Variants in COL4A5 observed in about 807,000 individuals in gnomAD.
COL4A5 encodes collagen alpha-5(IV) chain.
COL4A5 carries 26 observed loss-of-function variants against 130.2 expected under a neutral mutation model. The observed-to-expected ratio is 0.20, with a 90% CI of 0.15 to 0.28. The LOEUF (loss-of-function observed/expected upper bound fraction) is 0.28. Among genes scored for constraint, COL4A5 ranks in the 10% least tolerant of loss-of-function variants. The pLI is 1.00. For missense variants in COL4A5, 1,131 were observed against 1,344.3 expected, an observed-to-expected ratio of 0.84 and a Z score of 2.48; for synonymous variants, 496 against 439.6, an observed-to-expected ratio of 1.13 and a Z score of -1.60.
In COL4A5 at chrX:108,676,223, T is replaced by A. The variant is rs753429313; in HGVS notation, c.3809-1277T>A. ...CCTATTATAGTTCCTCAAAAAATAA[T>A]CCCTACATATCTTCATTTTTTGTTG... On this transcript the variant is annotated intron_variant, in intron 43 of 52. Coordinates refer to ENST00000328300, the MANE Select transcript of COL4A5 (RefSeq NM_033380.3). 3.6e-5 allele frequency among the ~76,000 whole-genome samples: 4 copies of A among 112,516 alleles called. No individual in the cohort carries two copies. In the East Asian group the frequency reaches 8.3e-4, roughly 23 times the overall value.
Position 108,668,178 on chromosome X carries a change from G to A in COL4A5, c.3605-141G>A, listed in dbSNP as rs924483288. ...TATTTAATAGGAAGGATGGTTTTCT[G>A]GGTAGATTTGGGATTTGGTAGGAGA... On this transcript the variant is annotated intron_variant, in intron 40 of 52. Transcript: ENST00000328300. 4 of 531,217 alleles carry A rather than the reference G, an allele frequency of 7.5e-6. No homozygotes were observed. The African/African-American group carries it at 9.3e-5, about 12-fold the overall frequency. The allele number at this position is 531,217 out of a possible 1,213,427, so 43.8% of individuals were successfully genotyped here.
chrX:108,552,993 G>A (rs2065774668), intron 2 of COL4A5, among the ~76,000 whole-genome samples: 1 of 111,862 alleles, frequency 8.9e-6, no homozygotes, highest in Non-Finnish European at 1.9e-5. Context: ...AAAATGCAAA[G>A]GTAGTGGAGA....
intron 37 of COL4A5, among the ~76,000 whole-genome samples, chrX:108,662,539 A>C (rs1311286686): frequency 9.0e-6 from 1 of 111,621 alleles, no homozygotes; most frequent in Non-Finnish European, 1.9e-5. Context: ...ATCAGTGTGC[A>C]AAAATCACAA....
chrX:108,653,514 A>T (rs962387021), intron 36 of COL4A5, among the ~76,000 whole-genome samples: 1 of 111,440 alleles, frequency 9.0e-6, no homozygotes, highest in African/African-American at 3.3e-5. Flanking sequence ...TTATCATGCT[A>T]CACAAAATGG....
At chrX:108,461,673 G>A (rs1790496343) in intron 1 of COL4A5, among the ~76,000 whole-genome samples, 1 of 110,547 alleles carries the variant, frequency 9.0e-6, no homozygotes, top group Non-Finnish European at 1.9e-5. Context: ...CGGCTCACTG[G>A]AACCTCACCT....
At chrX:108,668,587 C>A in intron 41 of COL4A5, 83 bp downstream of exon 41, 1 of 807,499 alleles carries the variant, frequency 1.2e-6, no homozygotes, top group Non-Finnish European at 1.7e-6. Flanking sequence ...GTCTTTAAGA[C>A]TTTAGAATTT....
In COL4A5 at chrX:108,655,369, T is replaced by C. The variant is rs2147935120; in HGVS notation, c.3285T>C (p.Gly1095=). 1.9e-5 allele frequency: 23 copies of C among 1,210,252 alleles called. No individual in the cohort carries two copies. The highest frequency in any genetic ancestry group is 2.5e-5 in the Non-Finnish European group (22 of 894,653). The stretch of plus-strand genomic sequence containing the variant: ...TGCCTGGATACCCAGGGAACCCTGG[T>C]ATCAAAGGTTCTGTGGGAGATCCTG... ...PGLPGYPGNP[G]IKGSVGDPGL... Residue 1095 remains glycine, a synonymous_variant, in exon 37 of 53, where the codon GGT becomes GGC. Coordinates refer to ENST00000328300, the MANE Select transcript of COL4A5 (RefSeq NM_033380.3).
At chrX:108,442,980 C>T (rs932142786) in intron 1 of COL4A5, 2 of 111,643 alleles carry the variant, frequency 1.8e-5, no homozygotes, top group African/African-American at 6.5e-5. Context: ...AATTTGAATC[C>T]AGGCAGTTTG....
At chrX:108,633,780 A>C (rs1188147508) in intron 36 of COL4A5, among the ~76,000 whole-genome samples, 2 of 111,856 alleles carry the variant, frequency 1.8e-5, no homozygotes. Context: ...TGTGGAAATA[A>C]TGTAAAGTAG....
chrX:108,647,528 T>C (rs1039322360), intron 36 of COL4A5, among the ~76,000 whole-genome samples: 11 of 111,278 alleles, frequency 9.9e-5, no homozygotes, highest in African/African-American at 3.6e-4. Context: ...CATCTGCAAA[T>C]AGGGACAATT....
chrX:108,631,224 G>A (rs927042246), intron 36 of COL4A5, among the ~76,000 whole-genome samples: 1 of 111,610 alleles, frequency 9.0e-6, no homozygotes, highest in Non-Finnish European at 1.9e-5. Context: ...GGATGGCATT[G>A]AATCTATAAA....
chrX:108,643,995 C>T (rs751972325), intron 36 of COL4A5, among the ~76,000 whole-genome samples: 118 of 111,780 alleles, frequency 1.1e-3, no homozygotes, highest in Non-Finnish European at 1.8e-3. Context: ...CTTCAGGAGA[C>T]TCACCTAACA....
intron 37 of COL4A5, among the ~76,000 whole-genome samples, chrX:108,660,542 CTTTAAATAT>C (rs2067936450): frequency 8.9e-6 from 1 of 112,062 alleles, no homozygotes. Context: ...GCTTTCAGCA[CTTTAAATAT>C]TTCTTCCACT....
chrX:108,614,943 A>G lies in COL4A5; in HGVS notation c.2428A>G (p.Met810Val). 1.7e-5 allele frequency: 21 copies of G among 1,211,267 alleles called. No homozygotes were observed. The highest frequency in any genetic ancestry group is 2.3e-5 in the Non-Finnish European group (21 of 894,853). The change falls in exon 30 of 53, where the codon ATG becomes GTG. Residue 810 changes from methionine to valine, a missense_variant. Physicochemically the swap from Met to Val is conservative, Grantham distance 21. Transcript: ENST00000328300. ...DVGPNGQPGP[M>V]GPPGLPGIGV... The stretch of plus-strand genomic sequence containing the variant: ...TGGACCAAATGGACAACCTGGACCA[A>G]TGGGACCTCCTGGGCTGCCAGGAAT...
At chrX:108,502,877 G>A (rs768048085) in intron 1 of COL4A5, among the ~76,000 whole-genome samples, 42 of 111,331 alleles carry the variant, frequency 3.8e-4, no homozygotes, top group African/African-American at 1.0e-3. Flanking sequence ...CCAAATTCGC[G>A]TTCCTAGGTA....
chrX:108,519,507 G>A (rs1370287174), intron 1 of COL4A5, among the ~76,000 whole-genome samples: 1 of 110,887 alleles, frequency 9.0e-6, no homozygotes, highest in Non-Finnish European at 1.9e-5. Context: ...TGCTATGATA[G>A]ATGATGTACT....
At chrX:108,691,955 G>A (rs955325761) in intron 49 of COL4A5, among the ~76,000 whole-genome samples, 8 of 111,665 alleles carry the variant, frequency 7.2e-5, no homozygotes, top group African/African-American at 2.6e-4. Flanking sequence ...GTGGAATACC[G>A]AAGGGTGGGT....
At chrX:108,460,530 C>A (rs888729514) in intron 1 of COL4A5, among the ~76,000 whole-genome samples, 1 of 109,055 alleles carries the variant, frequency 9.2e-6, no homozygotes, top group Non-Finnish European at 1.9e-5. Flanking sequence ...GCTCTTGTTG[C>A]CCAGGCTGGA....
chrX:108,472,486 C>T (rs1161652687), intron 1 of COL4A5, among the ~76,000 whole-genome samples: 1 of 111,490 alleles, frequency 9.0e-6, no homozygotes, highest in Non-Finnish European at 1.9e-5. Flanking sequence ...TCAAGATTTG[C>T]TTCCTATATT....
Sources: allele counts gnomAD v4.1 joint callset (sites outside exome capture counted in the v4.1 genomes callset), GRCh38; gene constraint gnomAD v4.1.1; transcripts MANE v1.5; gene names NCBI Gene and HGNC (gene_info 2026-07-23, HGNC 2026-07-21).